HHIPL2: variants seen among roughly 807,000 people sequenced by gnomAD.
The protein encoded by HHIPL2 is HHIP like 2, also known as HHIP-like protein 2.
Under a neutral mutation model 61.0 loss-of-function variants are expected in HHIPL2, and 61 were observed. The observed-to-expected ratio is 1.00, with a 90% CI of 0.81 to 1.24. The LOEUF is 1.24. Ranked by LOEUF, HHIPL2 falls within the 50% of genes most tolerant of loss-of-function variation. The pLI, the probability that HHIPL2 is intolerant of heterozygous loss-of-function variation, is 0.00. For synonymous variants in HHIPL2, 343 were observed against 357.4 expected (o/e 0.96, Z 0.45); for missense variants, 885 against 910.2 (o/e 0.97, Z 0.36).
At position 222,522,784 on chromosome 1, in the gene HHIPL2, G is replaced by C; in HGVS notation, c.1992C>G (p.Gly664=). ...SGPAQGLSEK[G]SSKKLASPTS... ...TAGGAGAAGCCAGCTTCTTGGAGGA[G>C]CCTTTCTCAGACAAACCCTGGGCTG... The change falls in exon 9 of 9, where the codon GGC becomes GGG. Residue 664 remains glycine, a synonymous_variant. Coordinates refer to ENST00000343410, the MANE Select transcript of HHIPL2 (RefSeq NM_024746.4). The C allele has an allele frequency of 6.2e-7, 1 of 1,614,176 alleles. No individual in the cohort carries two copies. The highest frequency in any genetic ancestry group is 8.5e-7 in the Non-Finnish European group (1 of 1,180,042).
intron 6 of HHIPL2, among the ~76,000 whole-genome samples, chr1:222,527,669 A>G (rs1659098704): frequency 6.6e-6 from 1 of 152,072 alleles, no homozygotes; most frequent in African/African-American, 2.4e-5. Flanking sequence ...CTCATCTTGA[A>G]TGATTTGGCT....
chr1:222,547,489 C>T lies in HHIPL2; in HGVS notation c.321+235G>A, dbSNP rs942280438. On this transcript the variant is annotated intron_variant, in intron 1 of 8. Coordinates refer to ENST00000343410, the MANE Select transcript of HHIPL2 (RefSeq NM_024746.4). ...GAGTGTCCCTCTCATTCTCCTGGAG[C>T]CTGGAGAAGAATCAGGGCCAGCAGA... is the stretch of plus-strand genomic sequence containing the variant. Among the ~76,000 whole-genome samples the T allele has an allele frequency of 2.0e-5, 3 of 152,106 alleles. No homozygotes were observed. In the East Asian group the frequency reaches 5.8e-4, roughly 29 times the overall value.
chr1:222,539,360 T>C (rs929017271), intron 4 of HHIPL2, among the ~76,000 whole-genome samples: 2 of 151,578 alleles, frequency 1.3e-5, no homozygotes, highest in Admixed American at 1.3e-4. Flanking sequence ...TGAAACCCCA[T>C]CTCTACTAAA....
intron 5 of HHIPL2, among the ~76,000 whole-genome samples, chr1:222,533,346 C>G (rs1659231449): frequency 7.1e-6 from 1 of 141,264 alleles, no homozygotes; most frequent in African/African-American, 2.7e-5. Flanking sequence ...GCCTGGGTGA[C>G]AGAGGGAGAC....
chr1:222,542,385 G>A (rs1659450916), intron 2 of HHIPL2, among the ~76,000 whole-genome samples: 1 of 129,420 alleles, frequency 7.7e-6, no homozygotes, highest in South Asian at 2.5e-4. Flanking sequence ...TTTTTTTTTA[G>A]ACAGAGTCTC....
At chr1:222,533,411 CAT>C (rs1659234405) in intron 5 of HHIPL2, among the ~76,000 whole-genome samples, 1 of 151,414 alleles carries the variant, frequency 6.6e-6, no homozygotes, top group African/African-American at 2.4e-5. Flanking sequence ...AGAATCACTG[CAT>C]ATTAACCAAA....
intron 3 of HHIPL2, 33 bp from the exon 4 acceptor site, chr1:222,540,374 G>A: frequency 6.4e-7 from 1 of 1,557,864 alleles, no homozygotes; most frequent in Non-Finnish European, 8.7e-7. Context: ...GCAGAATGAG[G>A]TAAGCAAGGA....
Position 222,547,914 on chromosome 1 carries a change from T to TG in HHIPL2, c.130dup (p.Gln44ProfsTer16). 1 of 1,613,170 alleles carries TG rather than the reference T, an allele frequency of 6.2e-7. No individual in the cohort carries two copies. Reference sequence around the variant, plus strand: ...GAAAGGGGGCCCGTAATCCAGGCACTGGGGGTGTCCCTGCAGCAAGCCCAC... The same window carrying TG: ...GAAAGGGGGCCCGTAATCCAGGCACTGGGGGGTGTCCCTGCAGCAAGCCCAC... On this transcript the variant is annotated frameshift_variant, in exon 1 of 9. Transcript: ENST00000343410. LOFTEE classifies it high-confidence loss of function.
At chr1:222,539,404 C>A (rs1659376498) in intron 4 of HHIPL2, among the ~76,000 whole-genome samples, 1 of 151,666 alleles carries the variant, frequency 6.6e-6, no homozygotes, top group Non-Finnish European at 1.5e-5. Context: ...GTGGTGCATG[C>A]CTGTAATCCC....
intron 7 of HHIPL2, 91 bp from the exon 8 acceptor site, chr1:222,523,785 T>C: frequency 1.6e-6 from 2 of 1,225,188 alleles, no homozygotes; most frequent in African/African-American, 1.5e-5. Flanking sequence ...TTTGCAAGAA[T>C]TGGGGTCAGC....
chr1:222,525,887 G>A (rs367899505), intron 7 of HHIPL2, among the ~76,000 whole-genome samples: 3 of 152,028 alleles, frequency 2.0e-5, no homozygotes, highest in South Asian at 2.1e-4. Flanking sequence ...TAATGCCAGC[G>A]ACTTGGGAGG....
intron 2 of HHIPL2, among the ~76,000 whole-genome samples, 159 bp downstream of exon 2, chr1:222,543,378 A>T (rs1659476372): frequency 6.6e-6 from 1 of 152,202 alleles, no homozygotes; most frequent in African/African-American, 2.4e-5. Context: ...CCTTAACTCA[A>T]GAGGCTAACT....
intron 6 of HHIPL2, among the ~76,000 whole-genome samples, chr1:222,528,970 G>A (rs1367840720): frequency 1.3e-5 from 2 of 151,970 alleles, no homozygotes; most frequent in African/African-American, 2.4e-5. Flanking sequence ...ACAGGTGCAT[G>A]CCACCACATC....
chr1:222,538,624 G>A (rs761275619), intron 5 of HHIPL2, 24 bp downstream of exon 5: 3 of 1,601,052 alleles, frequency 1.9e-6, no homozygotes, highest in Non-Finnish European at 2.6e-6. Context: ...AAAAGAGGGA[G>A]AAGGGACATC....
chr1:222,538,995 G>A (rs1037806668), intron 4 of HHIPL2: 8 of 506,110 alleles, frequency 1.6e-5, no homozygotes, highest in Non-Finnish European at 2.8e-5. Context: ...TGCAGGCAGA[G>A]AGGAAGCCAA....
At position 222,543,730 on chromosome 1, in the gene HHIPL2, T is replaced by C; in HGVS notation, c.781A>G (p.Ile261Val). 1 of 1,614,128 alleles carries C rather than the reference T, an allele frequency of 6.2e-7. No individual in the cohort carries two copies. Among genetic ancestry groups the C allele is most frequent in the South Asian group, 1.1e-5 (1 of 91,088 alleles). The part of the protein sequence containing the change: ...LEQPFLDLKN[I>V]VLTTPWIGDE... ...CCGATCCATGGGGTGGTCAACACGA[T>C]GTTCTTGAGGTCCAGGAAGGGTTGC... is the stretch of plus-strand genomic sequence containing the variant. The change falls in exon 2 of 9, where the codon ATC (isoleucine) becomes GTC (valine). Residue 261 changes from isoleucine to valine, a missense_variant. Ile to Val is a conservative substitution (Grantham distance 29). Coordinates refer to ENST00000343410, the MANE Select transcript of HHIPL2 (RefSeq NM_024746.4).
chr1:222,542,357 G>A (rs529440985), intron 2 of HHIPL2, among the ~76,000 whole-genome samples: 17 of 148,014 alleles, frequency 1.1e-4, no homozygotes, highest in South Asian at 1.1e-3. Flanking sequence ...CTCTTTCATG[G>A]CTCATTTTCC....
At chr1:222,546,797 C>T (rs907689585) in intron 1 of HHIPL2, among the ~76,000 whole-genome samples, 2 of 152,182 alleles carry the variant, frequency 1.3e-5, no homozygotes. Flanking sequence ...ACTTCACGCC[C>T]TATGTGGGAG....
At chr1:222,523,008 T>C (rs1658987271) in intron 8 of HHIPL2, 121 bp from the exon 9 acceptor site, 4 of 811,758 alleles carry the variant, frequency 4.9e-6, no homozygotes, top group Non-Finnish European at 5.5e-6. Context: ...TTTAATTCTC[T>C]AACTGGCCTT....
Sources: gnomAD v4.1 joint callset for allele counts (sites outside exome capture counted in the v4.1 genomes callset) on GRCh38, gnomAD v4.1.1 for gene constraint, MANE v1.5 for transcripts, NCBI Gene and HGNC (gene_info 2026-07-23, HGNC 2026-07-21) for gene names.